Variants in DLG2 observed in about 807,000 individuals in gnomAD.
DLG2 encodes the protein disks large homolog 2.
A neutral mutation model predicts 132.5 loss-of-function variants in DLG2; 45 were observed. The observed-to-expected ratio is 0.34, with a 90% CI of 0.27 to 0.44. DLG2 has a LOEUF of 0.44. Among genes scored for constraint, DLG2 ranks in the 20% least tolerant of loss-of-function variants. DLG2 has a pLI of 1.00. For synonymous variants in DLG2, 424 were observed against 419.6 expected (o/e 1.01, Z -0.13); for missense variants, 1,045 against 1,196.9 (o/e 0.87, Z 1.87).
chr11:83,920,324 A>C (rs1359768119), intron 15 of DLG2, among the ~76,000 whole-genome samples: 1 of 126,074 alleles, frequency 7.9e-6, no homozygotes, highest in Non-Finnish European at 1.7e-5. Flanking sequence ...ACCAAATTAA[A>C]GGGTTGATAG....
chr11:83,480,355 C>A, intron 22 of DLG2: 5 of 1,534,240 alleles, frequency 3.3e-6, no homozygotes, highest in South Asian at 1.2e-5. Context: ...TAACCGCAAA[C>A]CAAAGCAGTA....
chr11:84,622,213 A>C (rs1284060162), intron 6 of DLG2, among the ~76,000 whole-genome samples: 1 of 152,196 alleles, frequency 6.6e-6, no homozygotes, highest in Non-Finnish European at 1.5e-5. Context: ...GTCAGAGAAA[A>C]AAATATTTAT....
intron 18 of DLG2, among the ~76,000 whole-genome samples, chr11:83,653,850 G>A (rs1472093375): frequency 6.6e-6 from 1 of 151,668 alleles, no homozygotes; most frequent in Non-Finnish European, 1.5e-5. Flanking sequence ...AGCCTCCCGA[G>A]TAGCTGGTAT....
intron 6 of DLG2, among the ~76,000 whole-genome samples, chr11:84,973,770 G>A (rs1277021748): frequency 2.0e-5 from 3 of 152,160 alleles, no homozygotes; most frequent in East Asian, 3.9e-4. Flanking sequence ...CTCTGCTATT[G>A]TAGTACAAAG....
chr11:85,543,684 TGTC>T (rs2076117847), intron 3 of DLG2, among the ~76,000 whole-genome samples: 1 of 152,214 alleles, frequency 6.6e-6, no homozygotes, highest in Non-Finnish European at 1.5e-5. Context: ...CCATTCTAAC[TGTC>T]GTGAGATGGT....
chr11:85,376,819 T>C (rs1247083896), intron 3 of DLG2, among the ~76,000 whole-genome samples: 1 of 152,178 alleles, frequency 6.6e-6, no homozygotes, highest in South Asian at 2.1e-4. Flanking sequence ...GTGAGAGTGA[T>C]ACCCCACTAC....
intron 18 of DLG2, among the ~76,000 whole-genome samples, chr11:83,695,347 C>T (rs2081704025): frequency 6.6e-6 from 1 of 152,138 alleles, no homozygotes; most frequent in Non-Finnish European, 1.5e-5. Flanking sequence ...GGCCTGTTAC[C>T]GCTATTAAGA....
At chr11:84,296,439 A>AT (rs1324218956) in intron 7 of DLG2, among the ~76,000 whole-genome samples, 1 of 151,900 alleles carries the variant, frequency 6.6e-6, no homozygotes, top group Non-Finnish European at 1.5e-5. Flanking sequence ...TGTACTTATG[A>AT]TTTTTTTCTC....
chr11:83,778,347 G>T (rs1290786978), intron 18 of DLG2, among the ~76,000 whole-genome samples: 2 of 152,018 alleles, frequency 1.3e-5, no homozygotes, highest in African/African-American at 2.4e-5. Context: ...AATCTAAGAG[G>T]TCTCCTTGTT....
intron 19 of DLG2, among the ~76,000 whole-genome samples, chr11:83,599,066 C>G (rs1311796278): frequency 2.0e-5 from 3 of 152,206 alleles, no homozygotes; most frequent in Admixed American, 1.3e-4. Context: ...ATTTCCTATT[C>G]CTATTCTCAG....
At chr11:83,871,114 G>C (rs1019388666) in intron 16 of DLG2, among the ~76,000 whole-genome samples, 1 of 152,180 alleles carries the variant, frequency 6.6e-6, no homozygotes, top group African/African-American at 2.4e-5. Flanking sequence ...CTAGGAGACT[G>C]TCCTTTTAAA....
intron 6 of DLG2, among the ~76,000 whole-genome samples, chr11:84,998,806 G>A (rs1447252450): frequency 1.3e-5 from 2 of 151,412 alleles, no homozygotes; most frequent in African/African-American, 4.9e-5. Flanking sequence ...TGGAACTTTT[G>A]GCCTCAAGTA....
At chr11:83,931,254 A>G (rs1206510456) in intron 14 of DLG2, among the ~76,000 whole-genome samples, 2 of 152,200 alleles carry the variant, frequency 1.3e-5, no homozygotes, top group African/African-American at 4.8e-5. Context: ...CACTTGGAGA[A>G]ATTTCTGCAT....
chr11:84,073,389 A>C, intron 10 of DLG2, among the ~76,000 whole-genome samples: 1 of 152,192 alleles, frequency 6.6e-6, no homozygotes, highest in East Asian at 1.9e-4. Flanking sequence ...CTAAACAAAC[A>C]CAATTGATCA....
chr11:84,374,963 G>A (rs990869624), intron 7 of DLG2, among the ~76,000 whole-genome samples: 13 of 152,126 alleles, frequency 8.5e-5, no homozygotes, highest in Non-Finnish European at 1.9e-4. Flanking sequence ...ATAATTTCCT[G>A]TCTCTACAAA....
chr11:85,594,444 T>G (rs1488196491), intron 3 of DLG2, among the ~76,000 whole-genome samples: 1 of 152,226 alleles, frequency 6.6e-6, no homozygotes, highest in East Asian at 1.9e-4. Flanking sequence ...CCGCTTGTTC[T>G]CCTCTAATTT....
intron 3 of DLG2, among the ~76,000 whole-genome samples, chr11:85,544,812 C>T (rs944794305): frequency 2.0e-5 from 3 of 152,000 alleles, no homozygotes; most frequent in Admixed American, 6.6e-5. Context: ...CGTATAAGAA[C>T]GCTTGAGATT....
chr11:84,997,836 C>T (rs2057808086), intron 6 of DLG2: 1 of 152,120 alleles, frequency 6.6e-6, no homozygotes, highest in Non-Finnish European at 1.5e-5. Flanking sequence ...AGGCATCATT[C>T]ACCGAGTTCT....
chr11:85,201,307 C>T (rs2081440311), intron 4 of DLG2, among the ~76,000 whole-genome samples: 1 of 152,230 alleles, frequency 6.6e-6, no homozygotes, highest in African/African-American at 2.4e-5. Flanking sequence ...CTCCTTTCTA[C>T]AGCATCTCTG....
Sources: gnomAD v4.1 joint callset for allele counts (sites outside exome capture counted in the v4.1 genomes callset) on GRCh38, gnomAD v4.1.1 for gene constraint, MANE v1.5 for transcripts, NCBI Gene and HGNC (gene_info 2026-07-23, HGNC 2026-07-21) for gene names.